The following FCF1 variants were observed in gnomAD, a reference collection of about 807,000 sequenced individuals.
FCF1 encodes rRNA-processing protein FCF1 homolog.
In FCF1, 17 loss-of-function variants were observed where a neutral mutation model predicts 32.5. The observed-to-expected ratio is 0.52, with a 90% confidence interval of 0.36 to 0.78. The LOEUF (loss-of-function observed/expected upper bound fraction) is 0.78. Among genes scored for constraint, FCF1 ranks in the 30% least tolerant of loss-of-function variants. FCF1 has a pLI of 0.00. For missense variants in FCF1, 201 were observed against 241.1 expected (o/e 0.83, Z 1.10); for synonymous variants, 84 against 78.4 (o/e 1.07, Z -0.38).
At chr14:74,725,217 A>C (rs1291392034) in intron 5 of FCF1, among the ~76,000 whole-genome samples, 1 of 152,098 alleles carries the variant, frequency 6.6e-6, no homozygotes, top group African/African-American at 2.4e-5. Flanking sequence ...ATGGCCAGGC[A>C]TGGTGGCTCA....
chr14:74,726,653 T>C (rs1449721335), intron 5 of FCF1, among the ~76,000 whole-genome samples: 4 of 151,518 alleles, frequency 2.6e-5, no homozygotes, highest in Admixed American at 6.6e-5. Flanking sequence ...ATGTGCACAA[T>C]GTGCAGGTTA....
At chr14:74,716,145 T>C (rs1329127954) in intron 4 of FCF1, 46 bp downstream of exon 4, 2 of 1,565,968 alleles carry the variant, frequency 1.3e-6, no homozygotes, top group Non-Finnish European at 1.8e-6. Context: ...TTCAGAATAA[T>C]TATATTTATA....
At chr14:74,730,652 T>A (rs939479152) in intron 5 of FCF1, among the ~76,000 whole-genome samples, 1 of 152,106 alleles carries the variant, frequency 6.6e-6, no homozygotes. Context: ...AGGCAGAGGC[T>A]GCAATGAGCC....
At chr14:74,727,916 A>C (rs2090594236) in intron 5 of FCF1, among the ~76,000 whole-genome samples, 1 of 152,088 alleles carries the variant, frequency 6.6e-6, no homozygotes. Flanking sequence ...ATAGTTGTAG[A>C]TATGCGGCGT....
At chr14:74,732,164 A>G (rs1020226843) in intron 5 of FCF1, among the ~76,000 whole-genome samples, 2 of 151,848 alleles carry the variant, frequency 1.3e-5, no homozygotes, top group Non-Finnish European at 2.9e-5. Context: ...TTATATATAT[A>G]TATATGCATA....
Position 74,734,907 on chromosome 14 carries a change from G to C in FCF1, c.574G>C (p.Asp192His). ...ATACAACATTGAACGGATGCCAGATGATTATGGAGCCCCTCGATTCTAATT... is the reference window on the plus strand; with the variant it reads ...ATACAACATTGAACGGATGCCAGATCATTATGGAGCCCCTCGATTCTAATT... ...HRYNIERMPD[D>H]YGAPRF Residue 192 changes from aspartate (D) to histidine (H), a missense_variant, in exon 8 of 8, where the codon GAT becomes CAT. Transcript: ENST00000341162. 6.2e-7 allele frequency: 1 copy of C among 1,613,946 alleles called. No individual in the cohort carries two copies. Among genetic ancestry groups the C allele is most frequent in the Non-Finnish European group, 8.5e-7 (1 of 1,179,862 alleles).
rs774236872 is a variant in FCF1, at chr14:74,713,558, T to G, written c.71+6T>G. On this transcript the variant is annotated splice_donor_region_variant and intron_variant, in intron 2 of 7. Transcript: ENST00000341162. The stretch of plus-strand genomic sequence containing the variant: ...AGTCTCAGAGATCAGAGGCTGTGAG[T>G]GTCTGGAATCAACTGCCCAGGGATA... The G allele has an allele frequency of 6.2e-7, 1 of 1,608,810 alleles. No individual in the cohort carries two copies. The highest frequency in any genetic ancestry group is 8.5e-7 in the Non-Finnish European group (1 of 1,176,978).
chr14:74,720,879 G>GTT (rs35099474), intron 4 of FCF1, among the ~76,000 whole-genome samples: 11 of 126,786 alleles, frequency 8.7e-5, no homozygotes, highest in Non-Finnish European at 1.3e-4. Context: ...TTTGGGGTTT[G>GTT]TTTTTTTTTT....
At position 74,730,953 on chromosome 14, in the gene FCF1, G is replaced by A. The variant is rs532640094; in HGVS notation, c.366-1778G>A. 1.1e-4 allele frequency among the ~76,000 whole-genome samples: 16 copies of A among 152,104 alleles called. No homozygotes were observed. The East Asian group carries it at 2.3e-3, about 22-fold the overall frequency. On this transcript the variant is annotated intron_variant, in intron 5 of 7. Coordinates refer to ENST00000341162, the MANE Select transcript of FCF1 (RefSeq NM_015962.5). ...GCAGAGGTTGCAGTGAGCTGGGATT[G>A]TGCCAATGCACTCCAGTCTGGGTGA...
intron 4 of FCF1, among the ~76,000 whole-genome samples, chr14:74,720,318 A>G (rs982708778): frequency 2.6e-5 from 4 of 152,198 alleles, no homozygotes; most frequent in Non-Finnish European, 4.4e-5. Flanking sequence ...CCATTATCCC[A>G]GGAAGAAACC....
intron 5 of FCF1, among the ~76,000 whole-genome samples, chr14:74,726,484 A>T (rs2090579473): frequency 6.6e-6 from 1 of 151,962 alleles, no homozygotes; most frequent in South Asian, 2.1e-4. Flanking sequence ...AAAAAGAAAA[A>T]GAACAATGCT....
chr14:74,724,297 T>C (rs2090546825), intron 5 of FCF1, among the ~76,000 whole-genome samples: 1 of 152,096 alleles, frequency 6.6e-6, no homozygotes, highest in Non-Finnish European at 1.5e-5. Flanking sequence ...TTTTGTTCTG[T>C]TTTTGAAGCA....
chr14:74,737,074 A>T lies in FCF1; in HGVS notation c.*2144A>T, dbSNP rs542581644. 10 of 152,224 alleles carry T rather than the reference A, an allele frequency of 6.6e-5. No homozygotes were observed. Among genetic ancestry groups the T allele is most frequent in the Non-Finnish European group, 1.2e-4 (8 of 68,070 alleles). The allele number at this position is 152,224 out of a possible 1,614,324, so 9.4% of individuals were successfully genotyped here. On this transcript the variant is annotated 3_prime_UTR_variant, in exon 8 of 8. Transcript: ENST00000341162. ...GATGAAGCATAGGAAACAGTACACC[A>T]TAGAAAATCCATTAACCTATGTATA...
chr14:74,714,779 A>C (rs1284651753), intron 2 of FCF1, 93 bp from the exon 3 acceptor site: 14 of 103,154 alleles, frequency 1.4e-4, no homozygotes, highest in African/African-American at 2.6e-4. Context: ...TCAGTAGACC[A>C]AAAAAAAAAA....
chr14:74,729,875 A>G (rs1025184244), intron 5 of FCF1, among the ~76,000 whole-genome samples: 1 of 152,172 alleles, frequency 6.6e-6, no homozygotes, highest in Non-Finnish European at 1.5e-5. Flanking sequence ...GTAGTCATTC[A>G]GGAGCAGGTT....
intron 4 of FCF1, among the ~76,000 whole-genome samples, chr14:74,719,642 A>G (rs931973605): frequency 4.0e-5 from 6 of 148,234 alleles, no homozygotes; most frequent in Non-Finnish European, 6.0e-5. Context: ...GAGCATGTCT[A>G]TGGTCCCAGC....
At chr14:74,716,636 C>T (rs1426002184) in intron 4 of FCF1, among the ~76,000 whole-genome samples, 1 of 152,148 alleles carries the variant, frequency 6.6e-6, no homozygotes, top group Non-Finnish European at 1.5e-5. Flanking sequence ...TAATAGATTT[C>T]CCTTGTGTAT....
rs985644131 is a variant in FCF1 at position 74,735,639 on chromosome 14, G to C, written c.*709G>C. The C allele has an allele frequency of 6.6e-6, 1 of 151,216 alleles. No individual in the cohort carries two copies. The highest frequency in any genetic ancestry group is 2.4e-5 in the African/African-American group (1 of 40,942). The allele number at this position is 151,216 out of a possible 1,614,324, so 9.4% of individuals were successfully genotyped here. A position where few individuals can be genotyped will look rare whatever the true frequency, so the allele number is the denominator to read the frequency against. On this transcript the variant is annotated 3_prime_UTR_variant, in exon 8 of 8. Coordinates refer to ENST00000341162, the MANE Select transcript of FCF1 (RefSeq NM_015962.5). The stretch of plus-strand genomic sequence containing the variant: ...GCTGGAGTGCAGTGGCGTGATCTGG[G>C]CTCACTGCAACCCCTGCCTCCCATC...
chr14:74,721,968 T>C (rs1454347480), intron 4 of FCF1, among the ~76,000 whole-genome samples: 1 of 152,066 alleles, frequency 6.6e-6, no homozygotes, highest in Non-Finnish European at 1.5e-5. Context: ...ATTGCAAATT[T>C]GCCCTCAAAT....
Sources: gnomAD v4.1 joint callset for allele counts (sites outside exome capture counted in the v4.1 genomes callset) on GRCh38, gnomAD v4.1.1 for gene constraint, MANE v1.5 for transcripts, NCBI Gene and HGNC (gene_info 2026-07-23, HGNC 2026-07-21) for gene names.